Variants in TMEM260 observed in about 807,000 individuals in gnomAD.
TMEM260 encodes the protein protein O-mannosyl-transferase TMEM260.
In TMEM260, 82 loss-of-function variants were observed where a neutral mutation model predicts 88.9. That is an observed-to-expected ratio of 0.92 (90% CI 0.77 to 1.11). TMEM260 has a LOEUF of 1.11. Among genes scored for constraint, TMEM260 ranks in the 50% least tolerant of loss-of-function variants. The pLI, the probability that TMEM260 is intolerant of heterozygous loss-of-function variation, is 0.00. For synonymous variants in TMEM260, 314 were observed against 309.3 expected (o/e 1.02, Z -0.16); for missense variants, 902 against 853.4 (o/e 1.06, Z -0.71).
chr14:56,590,072 C>T (rs6573098), intron 3 of TMEM260, among the ~76,000 whole-genome samples: 17,160 of 152,112 alleles, frequency 0.11, 2,052 homozygotes, highest in African/African-American at 0.3. Flanking sequence ...AGTACTGGAG[C>T]GTTAATTTCC....
At position 56,625,495 on chromosome 14, in the gene TMEM260, A is replaced by G; in HGVS notation, c.1512A>G (p.Thr504=). Residue 504 remains threonine, a synonymous_variant, in exon 12 of 16, where the codon ACA becomes ACG. Coordinates refer to ENST00000261556, the MANE Select transcript of TMEM260 (RefSeq NM_017799.4). The part of the protein sequence containing the change: ...VEGILPSGMV[T]FNLYHFLEVN... ...GAATATTACCTAGTGGAATGGTCAC[A>G]TTTAATCTTTATCATTTTCTTGAAG... is the stretch of plus-strand genomic sequence containing the variant. The G allele has an allele frequency of 6.2e-7, 1 of 1,606,540 alleles. No individual in the cohort carries two copies. The highest frequency in any genetic ancestry group is 8.5e-7 in the Non-Finnish European group (1 of 1,174,718).
chr14:56,581,739 G>A (rs1042570980), intron 1 of TMEM260, among the ~76,000 whole-genome samples: 1 of 152,122 alleles, frequency 6.6e-6, no homozygotes, highest in African/African-American at 2.4e-5. Context: ...GGAAAACTAA[G>A]GCTAAGCTAT....
intron 7 of TMEM260, among the ~76,000 whole-genome samples, chr14:56,615,280 A>G (rs961105017): frequency 3.3e-5 from 5 of 152,164 alleles, no homozygotes; most frequent in African/African-American, 1.2e-4. Context: ...TTTTTTAACA[A>G]TTGGAGACAG....
At chr14:56,628,124 T>G (rs538763466) in intron 12 of TMEM260, among the ~76,000 whole-genome samples, 69 of 152,346 alleles carry the variant, frequency 4.5e-4, no homozygotes, top group Middle Eastern at 3.4e-3. Flanking sequence ...ATTGTATGGA[T>G]GTACTGTAGT....
Position 56,609,213 on chromosome 14 carries a change from C to T in TMEM260, c.744C>T (p.Thr248=). ...ISSYLNHARW[T]WGDQTTLQGF... is the part of the protein sequence containing the mutation. The stretch of plus-strand genomic sequence containing the variant: ...CTTACCTTAATCACGCCCGGTGGAC[C>T]TGGGGAGACCAGACAACACTGCAAG... The change falls in exon 6 of 16, where the codon ACC becomes ACT. Residue 248 remains threonine (T), a synonymous_variant. Transcript: ENST00000261556. 6.2e-7 allele frequency: 1 copy of T among 1,614,116 alleles called. No homozygotes were observed. Among genetic ancestry groups the T allele is most frequent in the South Asian group, 1.1e-5 (1 of 91,078 alleles).
chr14:56,584,734 A>T (rs1361324027), intron 1 of TMEM260, among the ~76,000 whole-genome samples: 4 of 152,184 alleles, frequency 2.6e-5, no homozygotes, highest in Non-Finnish European at 5.9e-5. Context: ...TACAACTTTC[A>T]AGAGGGAAAA....
chr14:56,655,692 T>C, the TMEM260 span, among the ~76,000 whole-genome samples: 6 of 152,222 alleles, frequency 3.9e-5, no homozygotes, highest in Admixed American at 1.3e-4. Context: ...CTTTATTTTA[T>C]GGGATCCCAT....
intron 3 of TMEM260, among the ~76,000 whole-genome samples, chr14:56,587,068 G>A (rs1885551878): frequency 6.6e-6 from 1 of 151,598 alleles, no homozygotes; most frequent in Non-Finnish European, 1.5e-5. Flanking sequence ...TGTTCCTTCT[G>A]AGTCTTTTGT....
chr14:56,587,140 G>T (rs1033490676), intron 3 of TMEM260, among the ~76,000 whole-genome samples: 2 of 151,556 alleles, frequency 1.3e-5, no homozygotes, highest in Admixed American at 1.3e-4. Flanking sequence ...TAAATATCTA[G>T]GTTGAATGGG....
intron 15 of TMEM260, among the ~76,000 whole-genome samples, chr14:56,644,849 ACTT>A (rs2139657089): frequency 6.6e-6 from 1 of 152,358 alleles, no homozygotes; most frequent in East Asian, 1.9e-4. Context: ...ATAAACAGAC[ACTT>A]CTCAAAAGAC....
At chr14:56,636,212 GGCTTCTCTT>G (rs1790414580) in intron 14 of TMEM260, among the ~76,000 whole-genome samples, 1 of 149,182 alleles carries the variant, frequency 6.7e-6, no homozygotes, top group Non-Finnish European at 1.5e-5. Context: ...CCCTTTTCCT[GGCTTCTCTT>G]GCATAACAAT....
intron 11 of TMEM260, among the ~76,000 whole-genome samples, chr14:56,624,514 G>T (rs1421147611): frequency 6.6e-6 from 1 of 152,168 alleles, no homozygotes; most frequent in Non-Finnish European, 1.5e-5. Flanking sequence ...GCTTGCAGTG[G>T]GCTGAGATCA....
At chr14:56,662,747 C>T in the TMEM260 span, among the ~76,000 whole-genome samples, 1,778 of 152,340 alleles carry the variant, frequency 0.012, 38 homozygotes, top group African/African-American at 0.041. Flanking sequence ...GGCCGAACTA[C>T]GCTCACATCC....
In TMEM260 at chr14:56,623,527, G is replaced by A. The variant is rs143692265; in HGVS notation, c.1398+1825G>A. Among the ~76,000 whole-genome samples, 140 of 152,272 alleles carry A rather than the reference G, an allele frequency of 9.2e-4. 1 individual carries two copies. The highest frequency in any genetic ancestry group is 1.3e-3 in the Non-Finnish European group (91 of 68,032). On this transcript the variant is annotated intron_variant, in intron 11 of 15. Coordinates refer to ENST00000261556, the MANE Select transcript of TMEM260 (RefSeq NM_017799.4). ...GCTTATTAGCAAAGGAGAATGACTA[G>A]ACTGAGAACATTGCAGCCTGAGCTA...
At chr14:56,630,481 T>C (rs994514227) in intron 12 of TMEM260, among the ~76,000 whole-genome samples, 4 of 152,138 alleles carry the variant, frequency 2.6e-5, no homozygotes, top group Non-Finnish European at 5.9e-5. Flanking sequence ...TCTTTTTTTT[T>C]CTATGTCTTC....
At chr14:56,604,509 A>G (rs1314886695) in intron 4 of TMEM260, among the ~76,000 whole-genome samples, 7 of 152,208 alleles carry the variant, frequency 4.6e-5, no homozygotes, top group Non-Finnish European at 7.3e-5. Flanking sequence ...AAAGAACCCT[A>G]TCTTCTAAGA....
chr14:56,644,239 C>T (rs567908699), intron 15 of TMEM260, among the ~76,000 whole-genome samples: 1 of 152,178 alleles, frequency 6.6e-6, no homozygotes, highest in African/African-American at 2.4e-5. Flanking sequence ...AGGCATCACA[C>T]TACCTGACTT....
chr14:56,647,159 T>C (rs746795173), intron 15 of TMEM260, 84 bp from the exon 16 acceptor site: 57 of 1,447,324 alleles, frequency 3.9e-5, no homozygotes, highest in Non-Finnish European at 5.0e-5. Context: ...TTTCTTGTTA[T>C]TAATTCCTCT....
At position 56,606,899 on chromosome 14, in the gene TMEM260, A is replaced by AAAAT. The variant is rs547579931; in HGVS notation, c.636+1235_636+1238dup. The stretch of plus-strand genomic sequence containing the variant: ...GACAGAGAAAGACTCCGTCTCCAAA[A>AAAAT]AAATAAATAAATAAATAAATAATAA... On this transcript the variant is annotated intron_variant, in intron 5 of 15. Transcript: ENST00000261556. Among the ~76,000 whole-genome samples the AAAAT allele has an allele frequency of 2.0e-3, 301 of 152,276 alleles. 2 individuals carry two copies. Among genetic ancestry groups the AAAAT allele is most frequent in the African/African-American group, 6.9e-3 (286 of 41,548 alleles).
Sources: gnomAD v4.1 joint callset for allele counts (sites outside exome capture counted in the v4.1 genomes callset) on GRCh38, gnomAD v4.1.1 for gene constraint, MANE v1.5 for transcripts, NCBI Gene and HGNC (gene_info 2026-07-23, HGNC 2026-07-21) for gene names.